PCDH15: variants seen among roughly 807,000 people sequenced by gnomAD.
The protein encoded by PCDH15 is protocadherin-15.
Under a neutral mutation model 178.5 loss-of-function variants are expected in PCDH15, and 129 were observed. The observed-to-expected ratio is 0.72, with a 90% CI of 0.63 to 0.84. PCDH15 has a LOEUF of 0.84. Among genes scored for constraint, PCDH15 ranks in the 40% least tolerant of loss-of-function variants. The probability of loss-of-function intolerance (pLI) is 0.00; values close to 1 mark genes in which losing one functional copy is unlikely to be tolerated. For synonymous variants in PCDH15, 800 were observed against 732.0 expected (o/e 1.09, Z -1.50); for missense variants, 2,230 against 2,099.9 (o/e 1.06, Z -1.21).
intron 2 of PCDH15, chr10:54,607,931 C>T (rs1477520780): frequency 1.4e-5 from 7 of 511,320 alleles, no homozygotes; most frequent in Non-Finnish European, 2.7e-5. Context: ...ATGTCAAAAA[C>T]TGTGATTACT....
chr10:54,803,197 C>T (rs2133718685), upstream of PCDH15, among the ~76,000 whole-genome samples: 1 of 152,262 alleles, frequency 6.6e-6, no homozygotes, highest in Middle Eastern at 3.4e-3. Flanking sequence ...CTGAATATGA[C>T]ATTTAACTTC....
intron 18 of PCDH15, among the ~76,000 whole-genome samples, chr10:54,057,553 C>A (rs1367651651): frequency 6.6e-6 from 1 of 152,052 alleles, no homozygotes; most frequent in Admixed American, 6.6e-5. Flanking sequence ...AGGATACACA[C>A]AGCAGAGGGG....
chr10:54,901,497 G>A (rs865894473), intron 2 of PCDH15, among the ~76,000 whole-genome samples: 4 of 152,166 alleles, frequency 2.6e-5, no homozygotes, highest in South Asian at 4.1e-4. Context: ...TGCTAATAAT[G>A]TGATTTATTC....
At chr10:54,984,446 G>C (rs1211845312) in intron 2 of PCDH15, among the ~76,000 whole-genome samples, 1 of 152,150 alleles carries the variant, frequency 6.6e-6, no homozygotes, top group Non-Finnish European at 1.5e-5. Flanking sequence ...GAACAGACAG[G>C]CCTTGCTGTG....
chr10:54,931,391 G>C (rs1056694864), intron 2 of PCDH15, among the ~76,000 whole-genome samples: 1 of 152,160 alleles, frequency 6.6e-6, no homozygotes, highest in South Asian at 2.1e-4. Context: ...AATGATGTCA[G>C]ATTTCCAGGA....
At chr10:54,584,433 A>T (rs960642108) in intron 2 of PCDH15, among the ~76,000 whole-genome samples, 5 of 152,110 alleles carry the variant, frequency 3.3e-5, no homozygotes, top group African/African-American at 1.2e-4. Context: ...TCTATTAAAC[A>T]GGTCACAAAC....
intron 26 of PCDH15, among the ~76,000 whole-genome samples, chr10:53,869,863 C>T (rs2079710477): frequency 6.6e-6 from 1 of 152,078 alleles, no homozygotes; most frequent in South Asian, 2.1e-4. Flanking sequence ...AAACCACTTT[C>T]CTAATCTAAC....
chr10:55,041,740 AT>A lies in PCDH15; in HGVS notation c.-80+124835del, dbSNP rs1259133399. Among the ~76,000 whole-genome samples the A allele has an allele frequency of 3.3e-5, 5 of 152,186 alleles. No individual in the cohort carries two copies. In the South Asian group the frequency reaches 8.3e-4, roughly 25 times the overall value. ...CAAGAATATAAATACATTGGGATTA[AT>A]TTTGTGGTGCCCCAATATAATTTTG... On this transcript the variant is annotated intron_variant, in intron 2 of 5. Transcript: ENST00000458638.
chr10:54,900,146 G>T (rs1954616383), intron 2 of PCDH15, among the ~76,000 whole-genome samples: 1 of 152,130 alleles, frequency 6.6e-6, no homozygotes, highest in African/African-American at 2.4e-5. Flanking sequence ...TATACCAGGT[G>T]TATCTGCCAT....
At chr10:54,590,041 C>T (rs2091779125) in intron 2 of PCDH15, among the ~76,000 whole-genome samples, 1 of 152,154 alleles carries the variant, frequency 6.6e-6, no homozygotes, top group African/African-American at 2.4e-5. Context: ...TCCCAACTGG[C>T]CTTTTGTATG....
intron 1 of PCDH15, among the ~76,000 whole-genome samples, chr10:54,783,033 C>T (rs552060317): frequency 1.3e-5 from 2 of 152,074 alleles, no homozygotes; most frequent in Non-Finnish European, 2.9e-5. Flanking sequence ...AACTATTCCA[C>T]CAGTTGCACA....
At chr10:54,429,378 A>G (rs9416336) in intron 3 of PCDH15, among the ~76,000 whole-genome samples, 31,970 of 152,044 alleles carry the variant, frequency 0.21, 4,251 homozygotes, top group African/African-American at 0.38. Flanking sequence ...TCCTACTGCC[A>G]AGAATATCAC....
chr10:54,043,559 T>C (rs1020619782), intron 18 of PCDH15, among the ~76,000 whole-genome samples: 2 of 150,680 alleles, frequency 1.3e-5, no homozygotes, highest in Admixed American at 1.3e-4. Context: ...GGCTAATTTT[T>C]GTATTTTTTT....
At chr10:54,755,634 GAC>G (rs1946972625) in intron 1 of PCDH15, among the ~76,000 whole-genome samples, 1 of 152,008 alleles carries the variant, frequency 6.6e-6, no homozygotes, top group Non-Finnish European at 1.5e-5. Context: ...AGATCTTTAT[GAC>G]ACAATAGTAA....
intron 3 of PCDH15, among the ~76,000 whole-genome samples, chr10:54,428,167 G>T (rs7090437): frequency 0.2 from 30,162 of 152,036 alleles, 3,656 homozygotes; most frequent in African/African-American, 0.33. Context: ...TACCTTTCAC[G>T]AAATATTGCC....
intron 1 of PCDH15, among the ~76,000 whole-genome samples, chr10:54,686,493 G>A (rs577872691): frequency 8.7e-4 from 133 of 152,090 alleles, no homozygotes; most frequent in Non-Finnish European, 1.4e-3. Flanking sequence ...TTGCTGAGAC[G>A]AACATCATGA....
At chr10:55,409,759 G>T (rs1039587167) in intron 2 of PCDH15, among the ~76,000 whole-genome samples, 3 of 152,138 alleles carry the variant, frequency 2.0e-5, no homozygotes, top group African/African-American at 7.2e-5. Flanking sequence ...ATGTAAATAT[G>T]TGCACATCCA....
chr10:54,809,397 A>G (rs1952827857), intron 3 of PCDH15, among the ~76,000 whole-genome samples: 1 of 152,168 alleles, frequency 6.6e-6, no homozygotes, highest in Non-Finnish European at 1.5e-5. Context: ...TTCAAAAAAG[A>G]CATTCCGGCA....
intron 3 of PCDH15, among the ~76,000 whole-genome samples, chr10:54,477,502 A>G (rs1225082912): frequency 6.6e-6 from 1 of 152,210 alleles, no homozygotes; most frequent in Admixed American, 6.5e-5. Flanking sequence ...ATCAGTGAGT[A>G]TGTGTTTTGC....
Sources: gnomAD v4.1 joint callset for allele counts (sites outside exome capture counted in the v4.1 genomes callset) on GRCh38, gnomAD v4.1.1 for gene constraint, MANE v1.5 for transcripts, NCBI Gene and HGNC (gene_info 2026-07-23, HGNC 2026-07-21) for gene names.